SLC33A1: variants seen among roughly 807,000 people sequenced by gnomAD.
The protein encoded by SLC33A1 is solute carrier family 33 member 1, also known as acetyl-coenzyme A transporter 1.
Under a neutral mutation model 50.0 loss-of-function variants are expected in SLC33A1, and 20 were observed. The ratio of observed to expected loss-of-function variants is 0.40; its 90% CI spans 0.28 to 0.58. The LOEUF (loss-of-function observed/expected upper bound fraction) is 0.58. SLC33A1 is among the 20% of genes least tolerant of loss of function. The probability of loss-of-function intolerance (pLI) is 0.44; values close to 1 mark genes in which losing one functional copy is unlikely to be tolerated. For synonymous variants in SLC33A1, 265 were observed against 251.8 expected (o/e 1.05, Z -0.50); for missense variants, 476 against 657.0 (o/e 0.72, Z 3.01).
chr3:155,826,973 A>G lies in SLC33A1; in HGVS notation c.*1237T>C, dbSNP rs1350915349. The G allele has an allele frequency of 1.3e-5, 2 of 152,196 alleles. No homozygotes were observed. The highest frequency in any genetic ancestry group is 6.5e-5 in the Admixed American group (1 of 15,268). 9.4% of individuals were successfully genotyped at this position (152,196 alleles called of 1,614,324 possible). On this transcript the variant is annotated 3_prime_UTR_variant, in exon 6 of 6. Transcript: ENST00000643144. Reference sequence around the variant, plus strand: ...AGTAATACATAACACAAAACATGCAAAGAACCTTATCACTGGGTGTATGTA... The same window carrying G: ...AGTAATACATAACACAAAACATGCAGAGAACCTTATCACTGGGTGTATGTA...
In SLC33A1 at chr3:155,828,155, T is replaced by G; in HGVS notation, c.*55A>C. 1 of 1,266,776 alleles carries G rather than the reference T, an allele frequency of 7.9e-7. No individual in the cohort carries two copies. The highest frequency in any genetic ancestry group is 1.5e-5 in the African/African-American group (1 of 68,326). The allele number at this position is 1,266,776 out of a possible 1,614,324, so 78.5% of individuals were successfully genotyped here. A position where few individuals can be genotyped will look rare whatever the true frequency, so the allele number is the denominator to read the frequency against. ...TCCTGTGCACTGATTATCATTGCTC[T>G]CCGAATTAAAACTAAACTACAATTA... On this transcript the variant is annotated 3_prime_UTR_variant, in exon 6 of 6. Transcript: ENST00000643144.
chr3:155,846,217 AT>A (rs1753167510), intron 1 of SLC33A1, among the ~76,000 whole-genome samples: 2 of 152,238 alleles, frequency 1.3e-5, no homozygotes, highest in Admixed American at 6.5e-5. Flanking sequence ...GATAGGCATT[AT>A]TACTCCTACT....
intron 3 of SLC33A1, 33 bp from the exon 4 acceptor site, chr3:155,833,618 T>C: frequency 7.8e-7 from 1 of 1,276,446 alleles, no homozygotes; most frequent in Non-Finnish European, 1.1e-6. Context: ...TTGACTTCCA[T>C]TTTAGCTTAA....
Position 155,854,028 on chromosome 3 carries a change from G to A in SLC33A1, c.-31C>T. On this transcript the variant is annotated 5_prime_UTR_variant, in exon 1 of 6. Transcript: ENST00000643144. ...AGACGATGCAGAGCCCCGTCTGTGG[G>A]GGGCCGAGGCTGAGCGTTTTGGATC... The A allele has an allele frequency of 6.6e-7, 1 of 1,521,300 alleles. No homozygotes were observed. The highest frequency in any genetic ancestry group is 8.8e-7 in the Non-Finnish European group (1 of 1,138,096). 94.2% of individuals were successfully genotyped at this position (1,521,300 alleles called of 1,614,324 possible). A position where few individuals can be genotyped will look rare whatever the true frequency, so the allele number is the denominator to read the frequency against.
At chr3:155,841,880 T>C (rs563525404) in intron 2 of SLC33A1, among the ~76,000 whole-genome samples, 2 of 152,216 alleles carry the variant, frequency 1.3e-5, no homozygotes, top group East Asian at 1.9e-4. Context: ...CCCAAGTAGC[T>C]GGGACTAAAG....
rs1679311063 is a variant in SLC33A1, at chr3:155,824,249, A to C, written c.*3961T>G. Reference sequence around the variant, plus strand: ...TGGAAATCTGCATGGAATGTTCCCAACAAGTTATTTCATTTTAGCAGGGTC... The same window carrying C: ...TGGAAATCTGCATGGAATGTTCCCACCAAGTTATTTCATTTTAGCAGGGTC... On this transcript the variant is annotated 3_prime_UTR_variant, in exon 6 of 6. Transcript: ENST00000643144. 1 of 152,246 alleles carries C rather than the reference A, an allele frequency of 6.6e-6. No homozygotes were observed. Among genetic ancestry groups the C allele is most frequent in the Non-Finnish European group, 1.5e-5 (1 of 68,032 alleles). 9.4% of individuals were successfully genotyped at this position (152,246 alleles called of 1,614,324 possible).
At chr3:155,833,822 C>T in intron 3 of SLC33A1, 35 bp downstream of exon 3, 6 of 1,522,274 alleles carry the variant, frequency 3.9e-6, no homozygotes, top group Non-Finnish European at 5.5e-6. Context: ...TCATTTTACC[C>T]TTTCTTATTT....
Position 155,823,690 on chromosome 3 carries a change from G to A in SLC33A1, c.*4520C>T, listed in dbSNP as rs1227612532. On this transcript the variant is annotated 3_prime_UTR_variant, in exon 6 of 6. Coordinates refer to ENST00000643144, the MANE Select transcript of SLC33A1 (RefSeq NM_004733.4). ...AAATAAAGTAAAAAGAACATGGTCT[G>A]CAGTAGGTGTTTTTGTTTTGTTTTT... is the stretch of plus-strand genomic sequence containing the variant. The A allele has an allele frequency of 6.6e-6, 1 of 152,044 alleles. No homozygotes were observed. The highest frequency in any genetic ancestry group is 1.9e-4 in the East Asian group (1 of 5,172). The allele number at this position is 152,044 out of a possible 1,614,324, so 9.4% of individuals were successfully genotyped here.
intron 1 of SLC33A1, among the ~76,000 whole-genome samples, chr3:155,847,990 A>G (rs1753246702): frequency 6.6e-6 from 1 of 152,152 alleles, no homozygotes; most frequent in African/African-American, 2.4e-5. Context: ...TCCTAAACCC[A>G]AATACACTGC....
chr3:155,841,404 G>A (rs1168134878), intron 2 of SLC33A1, among the ~76,000 whole-genome samples: 2 of 152,056 alleles, frequency 1.3e-5, no homozygotes, highest in African/African-American at 4.8e-5. Flanking sequence ...TGAAAACAAT[G>A]AGGCTAATGG....
intron 2 of SLC33A1, among the ~76,000 whole-genome samples, chr3:155,838,594 T>C (rs1362580016): frequency 6.6e-6 from 1 of 150,926 alleles, no homozygotes; most frequent in African/African-American, 2.4e-5. Context: ...GGCAGGAGAA[T>C]TGCTTGAACC....
Position 155,853,024 on chromosome 3 carries a change from T to TAGTG in SLC33A1, c.775+195_775+198dup, listed in dbSNP as rs1753462428. The TAGTG allele has an allele frequency of 3.1e-5, 19 of 604,750 alleles. No homozygotes were observed. In the East Asian group the frequency reaches 5.3e-4, roughly 17 times the overall value. The allele number at this position is 604,750 out of a possible 1,614,324, so 37.5% of individuals were successfully genotyped here. ...GGGTTGCCTCTCCCTGTTAACCGCA[T>TAGTG]AGTGATCATTTGATTGCTCTAATAT... On this transcript the variant is annotated intron_variant, in intron 1 of 5. Transcript: ENST00000643144.
chr3:155,854,227 A>C lies in SLC33A1; in HGVS notation c.-230T>G. 1 of 399,608 alleles carries C rather than the reference A, an allele frequency of 2.5e-6. No individual in the cohort carries two copies. The highest frequency in any genetic ancestry group is 4.5e-6 in the Non-Finnish European group (1 of 223,558). The allele number at this position is 399,608 out of a possible 1,614,324, so 24.8% of individuals were successfully genotyped here. ...GATGCCTGGATAGGTGCCCCCTGGA[A>C]CGGCGTCAAAGAGCCTGAAGGAGAC... On this transcript the variant is annotated 5_prime_UTR_variant, in exon 1 of 6. Coordinates refer to ENST00000643144, the MANE Select transcript of SLC33A1 (RefSeq NM_004733.4).
intron 5 of SLC33A1, among the ~76,000 whole-genome samples, chr3:155,828,941 C>T (rs1272776440): frequency 1.4e-5 from 2 of 146,220 alleles, no homozygotes; most frequent in East Asian, 2.0e-4. Context: ...CTTGTTCTGT[C>T]GCCCAGGCTG....
intron 1 of SLC33A1, among the ~76,000 whole-genome samples, chr3:155,849,220 A>G (rs1577477739): frequency 6.6e-6 from 1 of 152,176 alleles, no homozygotes; most frequent in East Asian, 1.9e-4. Context: ...TGGCCAGAAC[A>G]TATTTTAGAA....
chr3:155,838,134 T>A (rs1752767724), intron 2 of SLC33A1, among the ~76,000 whole-genome samples: 1 of 151,766 alleles, frequency 6.6e-6, no homozygotes. Flanking sequence ...AGAAACCCTG[T>A]CCCTACTAAA....
chr3:155,853,296 G>A lies in SLC33A1; in HGVS notation c.702C>T (p.Ala234=). The A allele has an allele frequency of 6.2e-7, 1 of 1,613,988 alleles. No homozygotes were observed. Among genetic ancestry groups the A allele is most frequent in the Non-Finnish European group, 8.5e-7 (1 of 1,179,996 alleles). ...TGTTACAAAAGTCGGCAGATTCAAG[G>A]GCCAAAAACAAAACATTGCCCAAAA... ...GYFLGNVLFL[A]LESADFCNKY... is the part of the protein sequence containing the mutation. Residue 234 remains alanine, a synonymous_variant, in exon 1 of 6, where the codon GCC becomes GCT. Coordinates refer to ENST00000643144, the MANE Select transcript of SLC33A1 (RefSeq NM_004733.4).
rs1249930403 is a variant in SLC33A1, at chr3:155,823,783, C to T, written c.*4427G>A. 1 of 152,210 alleles carries T rather than the reference C, an allele frequency of 6.6e-6. No homozygotes were observed. Among genetic ancestry groups the T allele is most frequent in the African/African-American group, 2.4e-5 (1 of 41,442 alleles). 9.4% of individuals were successfully genotyped at this position (152,210 alleles called of 1,614,324 possible). A position where few individuals can be genotyped will look rare whatever the true frequency, so the allele number is the denominator to read the frequency against. ...CTGAAGTGTAGTGGCGCAATCTCAACTCACTGCAAGCTCCGCCTCCCGGGC... is the reference window on the plus strand; with the variant it reads ...CTGAAGTGTAGTGGCGCAATCTCAATTCACTGCAAGCTCCGCCTCCCGGGC... On this transcript the variant is annotated 3_prime_UTR_variant, in exon 6 of 6. Coordinates refer to ENST00000643144, the MANE Select transcript of SLC33A1 (RefSeq NM_004733.4).
intron 2 of SLC33A1, among the ~76,000 whole-genome samples, chr3:155,840,201 C>T (rs1752872723): frequency 6.6e-6 from 1 of 151,324 alleles, no homozygotes; most frequent in East Asian, 2.1e-4. Flanking sequence ...GATTCTCCTG[C>T]CTCATCCTCC....
Sources: allele counts gnomAD v4.1 joint callset (sites outside exome capture counted in the v4.1 genomes callset), GRCh38; gene constraint gnomAD v4.1.1; transcripts MANE v1.5; gene names NCBI Gene and HGNC (gene_info 2026-07-23, HGNC 2026-07-21).